The following WDR82 variants were observed in gnomAD, a reference collection of about 807,000 sequenced individuals.
WDR82 encodes WD repeat-containing protein 82.
In WDR82, 8 loss-of-function variants were observed where a neutral mutation model predicts 36.1. The observed-to-expected ratio is 0.22, with a 90% CI of 0.13 to 0.40. The LOEUF (loss-of-function observed/expected upper bound fraction) is 0.40, where lower values mean the gene tolerates loss of function less well. Among genes scored for constraint, WDR82 ranks in the 10% least tolerant of loss-of-function variants. WDR82 has a pLI of 1.00. For missense variants in WDR82, 185 were observed against 400.5 expected (o/e 0.46, Z 4.59); for synonymous variants, 129 against 137.8 (o/e 0.94, Z 0.45).
chr3:52,268,966 C>A (rs1176819838), intron 2 of WDR82, among the ~76,000 whole-genome samples: 1 of 152,112 alleles, frequency 6.6e-6, no homozygotes, highest in Non-Finnish European at 1.5e-5. Flanking sequence ...AGGCGCGTCC[C>A]ATCACACCTG....
chr3:52,271,390 G>A lies in WDR82; in HGVS notation c.162-581C>T, dbSNP rs534686483. ...GTGCAGATTATACCGTCAGGTTTGT[G>A]TAAGTACACTCTATGATGCTGCTGC... On this transcript the variant is annotated intron_variant, in intron 1 of 8. Transcript: ENST00000296490. Among the ~76,000 whole-genome samples, 490 of 152,316 alleles carry A rather than the reference G, an allele frequency of 3.2e-3. 3 individuals carry two copies. The highest frequency in any genetic ancestry group is 0.011 in the African/African-American group (461 of 41,588).
chr3:52,278,441 AC>A lies in WDR82; in HGVS notation c.-81del. 8.7e-7 allele frequency: 1 copy of A among 1,145,302 alleles called. No individual in the cohort carries two copies. Among genetic ancestry groups the A allele is most frequent in the Non-Finnish European group, 1.1e-6 (1 of 926,970 alleles). The allele number at this position is 1,145,302 out of a possible 1,614,324, so 70.9% of individuals were successfully genotyped here. On this transcript the variant is annotated 5_prime_UTR_variant, in exon 1 of 9. Transcript: ENST00000296490. ...GAGCGGGCGGGCTGCCGAGGGGCCA[AC>A]CCAGGCGGGGCGGGCGCCGCGCCGG...
At chr3:52,257,926 A>G (rs1578004131) in intron 8 of WDR82, among the ~76,000 whole-genome samples, 1 of 150,042 alleles carries the variant, frequency 6.7e-6, no homozygotes, top group East Asian at 1.9e-4. Context: ...TTTTTCTAAC[A>G]TTTTTTTCTT....
rs538212712 is a variant in WDR82 at position 52,272,543 on chromosome 3, C to CAAAAAAAAAAAAA, written c.162-1747_162-1735dup. 1.1e-3 allele frequency among the ~76,000 whole-genome samples: 112 copies of CAAAAAAAAAAAAA among 100,040 alleles called. 1 individual carries two copies. The highest frequency in any genetic ancestry group is 3.4e-3 in the African/African-American group (84 of 24,858). 65.6% of individuals were successfully genotyped at this position (100,040 alleles called of 152,430 possible). On this transcript the variant is annotated intron_variant, in intron 1 of 8. Transcript: ENST00000296490. ...TGGGCAACAGAGCAAGACTCCATCTCAAAAAAAAAAAAAAGAAAAATAAAA... is the reference window on the plus strand; with the variant it reads ...TGGGCAACAGAGCAAGACTCCATCTCAAAAAAAAAAAAAAAAAAAAAAAAAAAGAAAAATAAAA...
chr3:52,257,551 G>T, intron 8 of WDR82, 32 bp from the exon 9 acceptor site: 1 of 1,614,024 alleles, frequency 6.2e-7, no homozygotes, highest in Non-Finnish European at 8.5e-7. Flanking sequence ...ACTTTAAAAA[G>T]CCAAGCATCT....
intron 1 of WDR82, among the ~76,000 whole-genome samples, chr3:52,276,146 G>A (rs988995588): frequency 1.3e-5 from 2 of 152,082 alleles, no homozygotes; most frequent in Non-Finnish European, 2.9e-5. Flanking sequence ...TAACAAGACA[G>A]GATTTGGCCA....
rs749712510 is a variant in WDR82 at position 52,266,072 on chromosome 3, G to C, written c.326+880C>G. Among the ~76,000 whole-genome samples the C allele has an allele frequency of 2.0e-4, 30 of 152,112 alleles. 1 individual carries two copies. Among genetic ancestry groups the C allele is most frequent in the Non-Finnish European group, 4.3e-4 (29 of 68,012 alleles). On this transcript the variant is annotated intron_variant, in intron 3 of 8. Coordinates refer to ENST00000296490, the MANE Select transcript of WDR82 (RefSeq NM_025222.4). ...GAAAAATTAGAGAAAAAAGTAACTA[G>C]GGGCATTGGGGTGAAGAACAGAGAG...
intron 2 of WDR82, chr3:52,267,307 C>A (rs1700114495): frequency 3.5e-6 from 1 of 283,552 alleles, no homozygotes; most frequent in Non-Finnish European, 6.8e-6. Context: ...TCCCACCCTG[C>A]AAATATACCC....
rs1700032831 is a variant in WDR82 at position 52,258,652 on chromosome 3, AG to A, written c.795del (p.Trp266GlyfsTer7). 1 of 1,614,118 alleles carries A rather than the reference AG, an allele frequency of 6.2e-7. No homozygotes were observed. Among genetic ancestry groups the A allele is most frequent in the Non-Finnish European group, 8.5e-7 (1 of 1,180,056 alleles). ...ACTTTTATACCGCTCTCTCCATTCCAGACATGGATCTTGCCATCCTCTGAAC... is the reference window on the plus strand; with the variant it reads ...ACTTTTATACCGCTCTCTCCATTCCAACATGGATCTTGCCATCCTCTGAAC... ...MIGSEDGKIHVWNGESGIKVA... is the reference protein window; with the variant it reads ...MIGSEDGKIHXWNGESGIKVA... On this transcript the variant is annotated frameshift_variant, in exon 8 of 9. Coordinates refer to ENST00000296490, the MANE Select transcript of WDR82 (RefSeq NM_025222.4). LOFTEE classifies it high-confidence loss of function.
At chr3:52,271,850 T>C (rs763232678) in intron 1 of WDR82, among the ~76,000 whole-genome samples, 52 of 152,124 alleles carry the variant, frequency 3.4e-4, no homozygotes, top group Non-Finnish European at 4.4e-4. Context: ...TCACAGCACT[T>C]TGGGAGGCCG....
intron 5 of WDR82, 151 bp from the exon 6 acceptor site, chr3:52,260,023 T>C: frequency 9.0e-7 from 1 of 1,111,438 alleles, no homozygotes; most frequent in Non-Finnish European, 1.2e-6. Flanking sequence ...ACCACATTTT[T>C]CCTTTTGTAG....
chr3:52,272,839 T>C lies in WDR82; in HGVS notation c.162-2030A>G, dbSNP rs115730630. Among the ~76,000 whole-genome samples the C allele has an allele frequency of 5.2e-3, 790 of 152,346 alleles. 1 individual carries two copies. The highest frequency in any genetic ancestry group is 8.6e-3 in the Non-Finnish European group (586 of 68,028). ...AGAAGTCAGTTATTTGCACTTTCAA[T>C]TTTTGTTAAAGTGAGGCCAAGGGCT... On this transcript the variant is annotated intron_variant, in intron 1 of 8. Transcript: ENST00000296490.
intron 2 of WDR82, chr3:52,267,968 G>A (rs1286667532): frequency 1.1e-5 from 2 of 182,964 alleles, no homozygotes; most frequent in Non-Finnish European, 2.4e-5. Context: ...GGAATAAAGG[G>A]GTTGAAAGCA....
intron 2 of WDR82, among the ~76,000 whole-genome samples, chr3:52,268,721 A>C (rs1377034315): frequency 6.6e-6 from 1 of 151,638 alleles, no homozygotes; most frequent in Non-Finnish European, 1.5e-5. Context: ...GAAGAGTCTC[A>C]TTAAAAAAAA....
chr3:52,267,279 TCATAATTA>T (rs1462074127), intron 2 of WDR82: 1 of 317,092 alleles, frequency 3.2e-6, no homozygotes, highest in African/African-American at 2.3e-5. Flanking sequence ...TTTGGTTTCT[TCATAATTA>T]CAATGCAACT....
At position 52,257,430 on chromosome 3, in the gene WDR82, C is replaced by G. The variant is rs1282686788; in HGVS notation, c.*60G>C. The G allele has an allele frequency of 1.4e-5, 23 of 1,609,386 alleles. No homozygotes were observed. The highest frequency in any genetic ancestry group is 1.9e-5 in the Non-Finnish European group (22 of 1,175,902). ...CCAATCCCACTATTATCTCAGTTCCCTCTGAGTTTCTTCCTGCTGGCCGCC... is the reference window on the plus strand; with the variant it reads ...CCAATCCCACTATTATCTCAGTTCCGTCTGAGTTTCTTCCTGCTGGCCGCC... On this transcript the variant is annotated 3_prime_UTR_variant, in exon 9 of 9. Coordinates refer to ENST00000296490, the MANE Select transcript of WDR82 (RefSeq NM_025222.4).
At chr3:52,258,143 T>G (rs1700029342) in intron 8 of WDR82, among the ~76,000 whole-genome samples, 1 of 152,064 alleles carries the variant, frequency 6.6e-6, no homozygotes, top group Non-Finnish European at 1.5e-5. Flanking sequence ...ACTGTAGAAA[T>G]TTCTGGGAAT....
intron 1 of WDR82, among the ~76,000 whole-genome samples, chr3:52,276,317 G>C (rs1434453878): frequency 6.6e-6 from 1 of 151,898 alleles, no homozygotes; most frequent in Non-Finnish European, 1.5e-5. Flanking sequence ...TGTAATCCCA[G>C]CTATTTGTGA....
chr3:52,260,531 A>G, intron 4 of WDR82, 30 bp from the exon 5 acceptor site: 1 of 1,472,918 alleles, frequency 6.8e-7, no homozygotes, highest in Non-Finnish European at 9.2e-7. Context: ...AAATACACTA[A>G]AACACACATG....
Sources: allele counts gnomAD v4.1 joint callset (sites outside exome capture counted in the v4.1 genomes callset), GRCh38; gene constraint gnomAD v4.1.1; transcripts MANE v1.5; gene names NCBI Gene and HGNC (gene_info 2026-07-23, HGNC 2026-07-21).